Variants in MOB3B observed in about 807,000 individuals in gnomAD.
The protein encoded by MOB3B is MOB kinase activator-like 2B.
In MOB3B, 7 loss-of-function variants were observed where a neutral mutation model predicts 18.7. That is an observed-to-expected ratio of 0.37 (90% CI 0.21 to 0.70). MOB3B has a LOEUF of 0.70. Ranked by LOEUF, MOB3B falls within the 30% of genes least tolerant of loss-of-function variation. The pLI is 0.52. For missense variants in MOB3B, 253 were observed against 281.3 expected (o/e 0.90, Z 0.72); for synonymous variants, 111 against 99.9 (o/e 1.11, Z -0.66).
chr9:27,344,332 T>C (rs60677598), intron 3 of MOB3B, among the ~76,000 whole-genome samples: 6,454 of 152,320 alleles, frequency 0.042, 390 homozygotes, highest in African/African-American at 0.13. Flanking sequence ...TTCAGTTCCC[T>C]CTGTTATTGC....
At chr9:27,444,103 C>T (rs1822639757) in intron 2 of MOB3B, among the ~76,000 whole-genome samples, 1 of 148,314 alleles carries the variant, frequency 6.7e-6, no homozygotes, top group Non-Finnish European at 1.5e-5. Flanking sequence ...GCCTTTGCAA[C>T]CCCTGTCCTC....
chr9:27,444,401 C>G (rs10117174), intron 2 of MOB3B, among the ~76,000 whole-genome samples: 130,549 of 151,884 alleles, frequency 0.86, 56,257 homozygotes, highest in Middle Eastern at 0.93. Context: ...AAATGGAGCT[C>G]GGGTATTAGA....
intron 1 of MOB3B, among the ~76,000 whole-genome samples, chr9:27,485,737 TG>T (rs1819721000): frequency 6.6e-6 from 1 of 152,230 alleles, no homozygotes; most frequent in Non-Finnish European, 1.5e-5. Context: ...TTTTCCCCCT[TG>T]TTCTCTTCTG....
At chr9:27,413,630 G>T (rs112815441) in intron 2 of MOB3B, among the ~76,000 whole-genome samples, 11,315 of 152,246 alleles carry the variant, frequency 0.074, 501 homozygotes, top group South Asian at 0.12. Flanking sequence ...ATTGGAGGGT[G>T]TTCCAGTATT....
intron 2 of MOB3B, among the ~76,000 whole-genome samples, chr9:27,395,241 TG>T (rs1042696124): frequency 9.2e-5 from 14 of 152,182 alleles, no homozygotes; most frequent in African/African-American, 3.4e-4. Flanking sequence ...TATACTGTGT[TG>T]CATATAGTTA....
intron 2 of MOB3B, among the ~76,000 whole-genome samples, chr9:27,430,088 C>G (rs1447415932): frequency 6.6e-6 from 1 of 152,210 alleles, no homozygotes; most frequent in Non-Finnish European, 1.5e-5. Flanking sequence ...ACATTTCACC[C>G]TGTCTGATCA....
chr9:27,382,466 T>C (rs1338878881), intron 2 of MOB3B, among the ~76,000 whole-genome samples: 2 of 152,100 alleles, frequency 1.3e-5, no homozygotes, highest in Non-Finnish European at 2.9e-5. Context: ...GTTTAGAAGA[T>C]CAGGGCCAAT....
At chr9:27,425,600 T>C (rs1822316710) in intron 2 of MOB3B, among the ~76,000 whole-genome samples, 1 of 152,132 alleles carries the variant, frequency 6.6e-6, no homozygotes, top group Non-Finnish European at 1.5e-5. Context: ...AAATAAAGAA[T>C]ACAAATAGTT....
intron 2 of MOB3B, among the ~76,000 whole-genome samples, chr9:27,400,162 AT>A (rs1821856634): frequency 6.6e-6 from 1 of 152,246 alleles, no homozygotes; most frequent in South Asian, 2.1e-4. Flanking sequence ...TTGTTTGGAC[AT>A]TGTCCACAAC....
chr9:27,426,534 T>C (rs1244194997), intron 2 of MOB3B, among the ~76,000 whole-genome samples: 1 of 152,212 alleles, frequency 6.6e-6, no homozygotes, highest in Admixed American at 6.5e-5. Flanking sequence ...CACACAATGC[T>C]ACCCCTGCAG....
intron 2 of MOB3B, among the ~76,000 whole-genome samples, chr9:27,404,665 C>A (rs1339895919): frequency 6.6e-6 from 1 of 152,052 alleles, no homozygotes; most frequent in Non-Finnish European, 1.5e-5. Flanking sequence ...GCTAATTAAA[C>A]CACATTTTCT....
At chr9:27,502,170 C>T (rs138982288) in intron 1 of MOB3B, among the ~76,000 whole-genome samples, 1 of 152,284 alleles carries the variant, frequency 6.6e-6, no homozygotes, top group East Asian at 1.9e-4. Context: ...TACTTCACTG[C>T]CTGTTTTCAG....
intron 2 of MOB3B, among the ~76,000 whole-genome samples, chr9:27,401,380 C>T (rs2131392261): frequency 6.6e-6 from 1 of 152,316 alleles, no homozygotes; most frequent in African/African-American, 2.4e-5. Context: ...TGGCCCAGGG[C>T]TCCTTTTGGG....
At chr9:27,512,386 C>A (rs775848762) in intron 1 of MOB3B, among the ~76,000 whole-genome samples, 3 of 152,138 alleles carry the variant, frequency 2.0e-5, no homozygotes, top group Non-Finnish European at 2.9e-5. Context: ...GAGACTCAGG[C>A]ACTAACTCAT....
Position 27,455,494 on chromosome 9 carries a change from C to G in MOB3B, c.57G>C (p.Arg19Ser). The change falls in exon 2 of 4, where the codon AGG (arginine) becomes AGC (serine). Residue 19 changes from arginine (R) to serine (S), a missense_variant. By Grantham distance (110) the Arg-to-Ser change is moderately radical (BLOSUM62 -1). Transcript: ENST00000262244. ...FNKDKTFRPK[R>S]KFEPGTQRFE... ...ACCTCTGTGTGCCAGGTTCAAATTT[C>G]CTCTTGGGTCGGAAGGTCTTGTCCT... 1.2e-6 allele frequency: 2 copies of G among 1,614,214 alleles called. No individual in the cohort carries two copies. Among genetic ancestry groups the G allele is most frequent in the Non-Finnish European group, 1.7e-6 (2 of 1,180,034 alleles).
At chr9:27,465,986 A>G (rs1053913761) in intron 1 of MOB3B, among the ~76,000 whole-genome samples, 6 of 152,058 alleles carry the variant, frequency 3.9e-5, no homozygotes, top group African/African-American at 1.4e-4. Flanking sequence ...GCCTGGAGAC[A>G]TTTTCCCCAT....
intron 1 of MOB3B, among the ~76,000 whole-genome samples, chr9:27,520,143 C>T (rs956310195): frequency 2.6e-5 from 4 of 152,184 alleles, no homozygotes; most frequent in African/African-American, 9.7e-5. Context: ...TAAATCTTAT[C>T]AGTAGATGCC....
intron 2 of MOB3B, among the ~76,000 whole-genome samples, chr9:27,369,664 C>T (rs748175197): frequency 6.6e-6 from 1 of 152,244 alleles, no homozygotes; most frequent in Non-Finnish European, 1.5e-5. Flanking sequence ...ATTCTCCCAA[C>T]TTGCATGTAA....
chr9:27,486,755 T>C (rs779289357), intron 1 of MOB3B, among the ~76,000 whole-genome samples: 26 of 152,186 alleles, frequency 1.7e-4, no homozygotes, highest in Non-Finnish European at 3.1e-4. Flanking sequence ...AAAGAAAATA[T>C]GAGGTTCATA....
Sources: gnomAD v4.1 joint callset for allele counts (sites outside exome capture counted in the v4.1 genomes callset) on GRCh38, gnomAD v4.1.1 for gene constraint, MANE v1.5 for transcripts, NCBI Gene and HGNC (gene_info 2026-07-23, HGNC 2026-07-21) for gene names.